The following C2orf80 variants were observed in gnomAD, a reference collection of about 807,000 sequenced individuals.
C2orf80 encodes the protein chromosome 2 open reading frame 80.
C2orf80 carries 28 observed loss-of-function variants against 30.2 expected under a neutral mutation model. That is an observed-to-expected ratio of 0.93 (90% CI 0.69 to 1.27). C2orf80 has a LOEUF of 1.27. Ranked by LOEUF, C2orf80 falls within the 50% of genes most tolerant of loss-of-function variation. The probability of loss-of-function intolerance (pLI) is 0.00; values close to 1 mark genes in which losing one functional copy is unlikely to be tolerated. For synonymous variants in C2orf80, 80 were observed against 76.4 expected, an observed-to-expected ratio of 1.05 and a Z score of -0.24; for missense variants, 220 against 231.0, an observed-to-expected ratio of 0.95 and a Z score of 0.31.
chr2:208,172,967 A>C lies in C2orf80; in HGVS notation c.367-892T>G, dbSNP rs553074670. Among the ~76,000 whole-genome samples, 15 of 152,092 alleles carry C rather than the reference A, an allele frequency of 9.9e-5. No homozygotes were observed. In the South Asian group the frequency reaches 2.1e-3, roughly 21 times the overall value. ...CCCCGCCTCTACTAAAAATACAAAA[A>C]AATTAAGCGAGTGTGGTAGTGGATG... On this transcript the variant is annotated intron_variant, in intron 6 of 8. Coordinates refer to ENST00000341287, the MANE Select transcript of C2orf80 (RefSeq NM_001099334.3).
At chr2:208,172,234 C>A (rs906955708) in intron 6 of C2orf80, among the ~76,000 whole-genome samples, 159 bp from the exon 7 acceptor site, 1 of 152,192 alleles carries the variant, frequency 6.6e-6, no homozygotes, top group South Asian at 2.1e-4. Flanking sequence ...ATTGATGGGG[C>A]ACGTGAAGTA....
chr2:208,180,295 A>G (rs1696511899), intron 6 of C2orf80, among the ~76,000 whole-genome samples: 2 of 152,044 alleles, frequency 1.3e-5, no homozygotes, highest in African/African-American at 4.8e-5. Flanking sequence ...ACCAAAAAAT[A>G]CAAAAATTAG....
intron 3 of C2orf80, among the ~76,000 whole-genome samples, 155 bp from the exon 4 acceptor site, chr2:208,183,202 G>GT (rs778118522): frequency 7.4e-6 from 1 of 134,708 alleles, no homozygotes; most frequent in African/African-American, 2.9e-5. Flanking sequence ...TGCTCGGCCA[G>GT]ATTTTTTTTT....
chr2:208,176,623 T>A (rs995455720), intron 6 of C2orf80, among the ~76,000 whole-genome samples: 2 of 152,142 alleles, frequency 1.3e-5, no homozygotes, highest in African/African-American at 4.8e-5. Context: ...ATTTGGAGGT[T>A]ACCATGGGCC....
At chr2:208,166,380 A>G (rs1468050483) in intron 8 of C2orf80, among the ~76,000 whole-genome samples, 7 of 152,210 alleles carry the variant, frequency 4.6e-5, no homozygotes, top group African/African-American at 1.7e-4. Flanking sequence ...GGTTCTTTGT[A>G]TATTATTCTT....
intron 2 of C2orf80, among the ~76,000 whole-genome samples, chr2:208,185,455 G>T (rs1443457618): frequency 6.6e-6 from 1 of 152,158 alleles, no homozygotes; most frequent in African/African-American, 2.4e-5. Flanking sequence ...GTATTCTTTT[G>T]CCGTAAGGCT....
Position 208,166,291 on chromosome 2 carries a change from C to G in C2orf80, c.574-476G>C, listed in dbSNP as rs1695884395. 3.3e-5 allele frequency among the ~76,000 whole-genome samples: 5 copies of G among 152,194 alleles called. No individual in the cohort carries two copies. In the South Asian group the frequency reaches 8.3e-4, roughly 25 times the overall value. ...AAAATTATATATCTTTATCTATATA[C>G]AGAGAGACAAAGACAGAATATAATA... On this transcript the variant is annotated intron_variant, in intron 8 of 8. Transcript: ENST00000341287.
chr2:208,187,125 A>C (rs1696741403), intron 1 of C2orf80, 64 bp from the exon 2 acceptor site: 2 of 755,948 alleles, frequency 2.6e-6, no homozygotes, highest in African/African-American at 3.5e-5. Context: ...CCAGTCATGG[A>C]GTCCTAGGCT....
At chr2:208,179,720 A>G (rs1467238792) in intron 6 of C2orf80, among the ~76,000 whole-genome samples, 1 of 147,914 alleles carries the variant, frequency 6.8e-6, no homozygotes, top group Non-Finnish European at 1.5e-5. Flanking sequence ...TTTTTTTAAG[A>G]TCAGTCATAT....
rs569153896 is a variant in C2orf80 at position 208,166,840 on chromosome 2, T to TG, written c.574-1026dup. On this transcript the variant is annotated intron_variant, in intron 8 of 8. Transcript: ENST00000341287. ...AATTTTTTCTATTTTTTAGTAGAGA[T>TG]GGGGTTTCACCATGTTAGCCAGGAT... 3.5e-3 allele frequency among the ~76,000 whole-genome samples: 535 copies of TG among 152,200 alleles called. 1 individual carries two copies. Among genetic ancestry groups the TG allele is most frequent in the Non-Finnish European group, 5.9e-3 (399 of 67,994 alleles).
intron 6 of C2orf80, among the ~76,000 whole-genome samples, chr2:208,175,756 T>A (rs1198866769): frequency 3.9e-5 from 6 of 151,912 alleles, no homozygotes; most frequent in African/African-American, 1.2e-4. Flanking sequence ...TTTAAAAAAC[T>A]CTAGTTAAAA....
rs577410739 is a variant in C2orf80, at chr2:208,175,539, C to T, written c.367-3464G>A. The stretch of plus-strand genomic sequence containing the variant: ...TGGCAGCACATAATCCCGGAGAAAG[C>T]CATCCAGCCTAGCACAGTACCCATA... On this transcript the variant is annotated intron_variant, in intron 6 of 8. Coordinates refer to ENST00000341287, the MANE Select transcript of C2orf80 (RefSeq NM_001099334.3). 3.9e-4 allele frequency among the ~76,000 whole-genome samples: 60 copies of T among 152,160 alleles called. 1 individual carries two copies. Among genetic ancestry groups the T allele is most frequent in the Middle Eastern group, 6.8e-3 (2 of 294 alleles).
intron 6 of C2orf80, among the ~76,000 whole-genome samples, chr2:208,177,672 G>A (rs1461997853): frequency 6.6e-6 from 1 of 152,110 alleles, no homozygotes; most frequent in Non-Finnish European, 1.5e-5. Flanking sequence ...TTGTGAGAAT[G>A]GGGACTATGT....
intron 1 of C2orf80, 107 bp from the exon 2 acceptor site, chr2:208,187,168 G>T: frequency 3.5e-6 from 2 of 572,392 alleles, no homozygotes; most frequent in South Asian, 2.6e-5. Flanking sequence ...CCTCATTCAG[G>T]CCTCTTACTC....
At chr2:208,182,730 GTCTT>G (rs2105910645) in intron 4 of C2orf80, among the ~76,000 whole-genome samples, 1 of 152,310 alleles carries the variant, frequency 6.6e-6, no homozygotes, top group African/African-American at 2.4e-5. Flanking sequence ...GTGCAAGAAA[GTCTT>G]TCATCTCACT....
intron 6 of C2orf80, among the ~76,000 whole-genome samples, chr2:208,174,782 CG>C (rs1696224531): frequency 6.6e-6 from 1 of 152,166 alleles, no homozygotes; most frequent in East Asian, 1.9e-4. Context: ...AGTCAGACGC[CG>C]GGGTCCGGCT....
Position 208,165,730 on chromosome 2 carries a change from G to A in C2orf80, c.*77C>T. ...TGTAAAGAAAAATGTACTGGCAAGA[G>A]CTGTGGTTTTAAGATGATGCTTCTC... On this transcript the variant is annotated 3_prime_UTR_variant, in exon 9 of 9. Transcript: ENST00000341287. 1 of 1,604,348 alleles carries A rather than the reference G, an allele frequency of 6.2e-7. No individual in the cohort carries two copies. Among genetic ancestry groups the A allele is most frequent in the Non-Finnish European group, 8.5e-7 (1 of 1,175,458 alleles).
rs1207307986 is a variant in C2orf80, at chr2:208,171,979, C to A, written c.454+9G>T. On this transcript the variant is annotated intron_variant, in intron 7 of 8. Coordinates refer to ENST00000341287, the MANE Select transcript of C2orf80 (RefSeq NM_001099334.3). ...ATTCCTCTAAGCAGGTGAAAGTAAC[C>A]AGGCTTACTCTGTTTGCGGGCGTAT... The A allele has an allele frequency of 1.2e-6, 2 of 1,610,056 alleles. No individual in the cohort carries two copies. Among genetic ancestry groups the A allele is most frequent in the Non-Finnish European group, 1.7e-6 (2 of 1,176,514 alleles).
intron 2 of C2orf80, among the ~76,000 whole-genome samples, chr2:208,186,479 TTC>T (rs1445663339): frequency 6.6e-6 from 1 of 152,188 alleles, no homozygotes; most frequent in East Asian, 1.9e-4. Flanking sequence ...GTTTTCTGTG[TTC>T]GTTTTAAAAA....
Sources: allele counts gnomAD v4.1 joint callset (sites outside exome capture counted in the v4.1 genomes callset), GRCh38; gene constraint gnomAD v4.1.1; transcripts MANE v1.5; gene names NCBI Gene and HGNC (gene_info 2026-07-23, HGNC 2026-07-21).